The following ACSS1 variants were observed in gnomAD, a reference collection of about 807,000 sequenced individuals.
The protein encoded by ACSS1 is acyl-CoA synthetase short chain family member 1.
Under a neutral mutation model 75.3 loss-of-function variants are expected in ACSS1, and 42 were observed. The observed-to-expected ratio is 0.56, with a 90% CI of 0.44 to 0.72. The LOEUF is 0.72. ACSS1 is among the 30% of genes least tolerant of loss of function. The pLI, the probability that ACSS1 is intolerant of heterozygous loss-of-function variation, is 0.00. For synonymous variants in ACSS1, 380 were observed against 376.8 expected (o/e 1.01, Z -0.10); for missense variants, 782 against 935.7 (o/e 0.84, Z 2.14).
chr20:25,016,211 T>C (rs2088513013), intron 7 of ACSS1, among the ~76,000 whole-genome samples: 1 of 152,154 alleles, frequency 6.6e-6, no homozygotes, highest in Non-Finnish European at 1.5e-5. Context: ...GAGGTTCAAG[T>C]GCAGCCGGAT....
chr20:25,021,100 C>T (rs924903372), intron 6 of ACSS1, among the ~76,000 whole-genome samples: 2 of 152,170 alleles, frequency 1.3e-5, no homozygotes, highest in African/African-American at 4.8e-5. Context: ...GAGAAGGATG[C>T]CAAAGCGATG....
chr20:25,052,842 G>A (rs2089192944), intron 1 of ACSS1, among the ~76,000 whole-genome samples: 2 of 152,228 alleles, frequency 1.3e-5, no homozygotes, highest in Non-Finnish European at 2.9e-5. Context: ...GACGCAGTCG[G>A]CCAATGCCCG....
Position 25,021,455 on chromosome 20 carries a change from A to G in ACSS1, c.1042T>C (p.Tyr348His), listed in dbSNP as rs2088623508. ...GTGGCACCATTGCAGAGAGGCCCAT[A>G]CACCACGTAGCTGTGTCCTGTAATC... ...GWITGHSYVV[Y>H]GPLCNGATSV... Residue 348 changes from tyrosine (Y) to histidine (H), a missense_variant, in exon 6 of 14, where the codon TAT (tyrosine) becomes CAT (histidine). Tyr to His is a moderately conservative substitution (Grantham distance 83, BLOSUM62 2). This residue lies in a region of ACSS1 where 405 missense variants were observed against 552.6 expected (regional missense o/e 0.73). Coordinates refer to ENST00000323482, the MANE Select transcript of ACSS1 (RefSeq NM_032501.4). 6.2e-7 allele frequency: 1 copy of G among 1,614,108 alleles called. No individual in the cohort carries two copies. Among genetic ancestry groups the G allele is most frequent in the Non-Finnish European group, 8.5e-7 (1 of 1,180,042 alleles).
chr20:25,026,192 G>C (rs1056227597), intron 3 of ACSS1, among the ~76,000 whole-genome samples: 2 of 152,208 alleles, frequency 1.3e-5, no homozygotes, highest in South Asian at 2.1e-4. Context: ...AGACATGTGA[G>C]AGCCTAGCGG....
At chr20:25,044,798 G>A (rs1430993784) in intron 2 of ACSS1, among the ~76,000 whole-genome samples, 1 of 152,238 alleles carries the variant, frequency 6.6e-6, no homozygotes, top group Non-Finnish European at 1.5e-5. Context: ...CACCAGGGGA[G>A]AAGGGCTGCC....
chr20:25,030,779 A>G lies in ACSS1; in HGVS notation c.611T>C (p.Leu204Ser). 3 of 1,614,184 alleles carry G rather than the reference A, an allele frequency of 1.9e-6. No individual in the cohort carries two copies. Among genetic ancestry groups the G allele is most frequent in the Non-Finnish European group, 2.5e-6 (3 of 1,180,000 alleles). The stretch of plus-strand genomic sequence containing the variant: ...CTCACCATCATTGATCCTCCCAGCC[A>G]AGGACTCTGCACTGAAGCCAGCAAA... ...VIFAGFSAESLAGRINDAKCK... is the reference protein window; with the variant it reads ...VIFAGFSAESSAGRINDAKCK... The change falls in exon 3 of 14, where the codon TTG becomes TCG. Residue 204 changes from leucine to serine, a missense_variant. This residue lies in a region of ACSS1 where 377 missense variants were observed against 383.1 expected (regional missense o/e 0.98). Coordinates refer to ENST00000323482, the MANE Select transcript of ACSS1 (RefSeq NM_032501.4).
intron 2 of ACSS1, among the ~76,000 whole-genome samples, chr20:25,043,956 C>T (rs976593485): frequency 5.3e-5 from 8 of 152,224 alleles, no homozygotes; most frequent in African/African-American, 1.9e-4. Context: ...TTCACACCCC[C>T]CTACAGAGAC....
intron 2 of ACSS1, among the ~76,000 whole-genome samples, chr20:25,039,511 G>A (rs1037986201): frequency 6.6e-6 from 1 of 152,216 alleles, no homozygotes; most frequent in Non-Finnish European, 1.5e-5. Context: ...ACACGCATGG[G>A]GGTTCAATTG....
At chr20:25,032,947 C>T (rs2088851981) in intron 2 of ACSS1, among the ~76,000 whole-genome samples, 1 of 152,238 alleles carries the variant, frequency 6.6e-6, no homozygotes, top group Non-Finnish European at 1.5e-5. Flanking sequence ...TCCCTTCAGG[C>T]TTTCAGAAGG....
chr20:25,056,102 G>C (rs185806525), intron 1 of ACSS1, among the ~76,000 whole-genome samples: 42 of 152,358 alleles, frequency 2.8e-4, no homozygotes, highest in East Asian at 2.7e-3. Context: ...AATGCTTGCT[G>C]ACCACACCCT....
At chr20:25,046,741 G>T (rs2122745265) in intron 2 of ACSS1, 1 of 771,098 alleles carries the variant, frequency 1.3e-6, no homozygotes. Context: ...AGCAGCTTGG[G>T]TCTTCAGAGC....
In ACSS1 at chr20:25,029,536, A is replaced by T. The variant is rs571620190; in HGVS notation, c.631+1223T>A. Among the ~76,000 whole-genome samples, 337 of 152,334 alleles carry T rather than the reference A, an allele frequency of 2.2e-3. 1 individual carries two copies. Among genetic ancestry groups the T allele is most frequent in the Non-Finnish European group, 3.8e-3 (261 of 68,024 alleles). ...TCATAGGTATATACCCCCAAAATTAAAAACAGGTGTTCCTATACATGAACA... is the reference window on the plus strand; with the variant it reads ...TCATAGGTATATACCCCCAAAATTATAAACAGGTGTTCCTATACATGAACA... On this transcript the variant is annotated intron_variant, in intron 3 of 13. Transcript: ENST00000323482.
At chr20:25,048,600 T>C (rs557613444) in intron 1 of ACSS1, among the ~76,000 whole-genome samples, 1 of 152,258 alleles carries the variant, frequency 6.6e-6, no homozygotes, top group Admixed American at 6.5e-5. Flanking sequence ...GTTGTTCCTG[T>C]TTCAGGGCTT....
chr20:25,012,593 AC>A lies in ACSS1; in HGVS notation c.1771+7del. The A allele has an allele frequency of 6.2e-7, 1 of 1,614,188 alleles. No homozygotes were observed. The highest frequency in any genetic ancestry group is 1.1e-5 in the South Asian group (1 of 91,088). On this transcript the variant is annotated splice_region_variant and intron_variant, in intron 12 of 13. Coordinates refer to ENST00000323482, the MANE Select transcript of ACSS1 (RefSeq NM_032501.4). ...AATCAGGGAGGAGCTCATCTCCAGG[AC>A]ACTCACCTTCTCCTTTGATGTCGTG...
intron 2 of ACSS1, among the ~76,000 whole-genome samples, chr20:25,034,966 C>G (rs2088886042): frequency 6.6e-6 from 1 of 152,092 alleles, no homozygotes; most frequent in Non-Finnish European, 1.5e-5. Context: ...GATCTCCACC[C>G]ACTGCAAGCT....
intron 2 of ACSS1, among the ~76,000 whole-genome samples, chr20:25,031,452 G>T (rs1273148624): frequency 6.6e-6 from 1 of 152,218 alleles, no homozygotes; most frequent in Non-Finnish European, 1.5e-5. Context: ...GGCATGCTTT[G>T]ATGTACTTAT....
intron 1 of ACSS1, among the ~76,000 whole-genome samples, chr20:25,052,954 C>G (rs1339124006): frequency 6.6e-6 from 1 of 151,682 alleles, no homozygotes; most frequent in African/African-American, 2.4e-5. Flanking sequence ...TTCAAGTACT[C>G]TTGTTGCTTA....
chr20:25,009,433 G>C (rs2088368312), intron 12 of ACSS1, 45 bp from the exon 13 acceptor site: 1 of 1,511,744 alleles, frequency 6.6e-7, no homozygotes, highest in African/African-American at 1.4e-5. Context: ...TACTAGACAA[G>C]GAGCCAACTC....
intron 2 of ACSS1, among the ~76,000 whole-genome samples, chr20:25,039,117 C>T (rs1234732567): frequency 6.6e-6 from 1 of 152,162 alleles, no homozygotes; most frequent in Non-Finnish European, 1.5e-5. Context: ...GAGCAGGTTC[C>T]CATGGAGAAC....
Sources: allele counts gnomAD v4.1 joint callset (sites outside exome capture counted in the v4.1 genomes callset), GRCh38; gene constraint gnomAD v4.1.1; regional missense constraint gnomAD v4.1.1; transcripts MANE v1.5; gene names NCBI Gene and HGNC (gene_info 2026-07-23, HGNC 2026-07-21).